Variants in AP2A2 observed in about 807,000 individuals in gnomAD.
AP2A2 encodes the protein AP-2 complex subunit alpha-2.
Under a neutral mutation model 104.2 loss-of-function variants are expected in AP2A2, and 32 were observed. That is an observed-to-expected ratio of 0.31 (90% CI 0.23 to 0.41). The LOEUF (loss-of-function observed/expected upper bound fraction) is 0.41, where lower values mean the gene tolerates loss of function less well. Among genes scored for constraint, AP2A2 ranks in the 10% least tolerant of loss-of-function variants. AP2A2 has a pLI of 1.00. For synonymous variants in AP2A2, 539 were observed against 533.3 expected, an observed-to-expected ratio of 1.01 and a Z score of -0.15; for missense variants, 912 against 1,261.0, an observed-to-expected ratio of 0.72 and a Z score of 4.19.
In AP2A2 at chr11:925,950, A is replaced by T. The variant is rs1241669031; in HGVS notation, c.-72A>T. 8 of 1,197,126 alleles carry T rather than the reference A, an allele frequency of 6.7e-6. No individual in the cohort carries two copies. The South Asian group carries it at 1.2e-4, about 18-fold the overall frequency. 74.2% of individuals were successfully genotyped at this position (1,197,126 alleles called of 1,614,324 possible). ...CCTCCGCGGCGGTGACGGCGACCGC[A>T]CTCCCCGCTTCCCGCTCCCCGCGCT... On this transcript the variant is annotated 5_prime_UTR_variant, in exon 1 of 22. Transcript: ENST00000448903.
At chr11:930,561 C>T (rs1853257770) in intron 1 of AP2A2, among the ~76,000 whole-genome samples, 1 of 151,858 alleles carries the variant, frequency 6.6e-6, no homozygotes, top group South Asian at 2.1e-4. Context: ...CGCTCTGTCG[C>T]CCAGGCTGGA....
chr11:935,702 G>A (rs937988326), intron 1 of AP2A2, among the ~76,000 whole-genome samples: 1 of 145,022 alleles, frequency 6.9e-6, no homozygotes, highest in Admixed American at 7.2e-5. Flanking sequence ...TCGCCTCCCG[G>A]GTTCAAACAA....
intron 2 of AP2A2, among the ~76,000 whole-genome samples, chr11:969,219 CCTTTTTTTTTTTTTTTT>C (rs1167275677): frequency 1.8e-5 from 2 of 112,812 alleles, no homozygotes; most frequent in African/African-American, 3.3e-5. Context: ...GTAGAACAGC[CCTTTTTTTTTTTTTTTT>C]TTTTTTTTTT....
chr11:966,347 A>G (rs1396909586), intron 2 of AP2A2, among the ~76,000 whole-genome samples: 1 of 152,090 alleles, frequency 6.6e-6, no homozygotes, highest in African/African-American at 2.4e-5. Flanking sequence ...AAGTACAAAA[A>G]ATTAGCCGTG....
At position 993,970 on chromosome 11, in the gene AP2A2, C is replaced by T. The variant is rs202168065; in HGVS notation, c.1767C>T (p.Ala589=). ...AVEYLRLSTV[A]STDILATVLE... ...AGTACCTGCGGCTCAGCACCGTGGCCAGCACCGACATTCTGGTAGGAGGCC... is the reference window on the plus strand; with the variant it reads ...AGTACCTGCGGCTCAGCACCGTGGCTAGCACCGACATTCTGGTAGGAGGCC... The change falls in exon 13 of 22, where the codon GCC becomes GCT. Residue 589 remains alanine (A), a synonymous_variant. Transcript: ENST00000448903. This position sits in a 1 kb window ranked among gnomAD's most constrained non-coding sequence, Gnocchi z 8.2. 8 of 1,611,126 alleles carry T rather than the reference C, an allele frequency of 5.0e-6. No individual in the cohort carries two copies. The highest frequency in any genetic ancestry group is 1.3e-5 in the African/African-American group (1 of 74,910).
At chr11:929,614 G>T (rs1853222667) in intron 1 of AP2A2, among the ~76,000 whole-genome samples, 1 of 152,190 alleles carries the variant, frequency 6.6e-6, no homozygotes, top group South Asian at 2.1e-4. Context: ...GCAATATAGT[G>T]AGACCCCTGT....
chr11:995,685 G>T (rs1855828728), intron 14 of AP2A2, among the ~76,000 whole-genome samples: 1 of 76,208 alleles, frequency 1.3e-5, no homozygotes, highest in Non-Finnish European at 2.9e-5. Flanking sequence ...GGCCTGCCAT[G>T]GGGCTGGTAT....
At chr11:950,498 TA>T (rs1564788590) in intron 1 of AP2A2, among the ~76,000 whole-genome samples, 1 of 152,000 alleles carries the variant, frequency 6.6e-6, no homozygotes, top group Non-Finnish European at 1.5e-5. Context: ...TTTGTAGAGA[TA>T]GGGTTTTGCC....
At chr11:1,008,380 C>A in intron 18 of AP2A2, 1 of 513,844 alleles carries the variant, frequency 1.9e-6, no homozygotes, top group Non-Finnish European at 3.3e-6. Context: ...TTGCTAGGAT[C>A]TTTCTGGGCA....
At chr11:941,017 G>T (rs1019436643) in intron 1 of AP2A2, 6 of 418,462 alleles carry the variant, frequency 1.4e-5, no homozygotes, top group Non-Finnish European at 2.9e-5. Flanking sequence ...ACTCCGTGGA[G>T]CTCGGAGCTT....
Position 992,581 on chromosome 11 carries a change from C to T in AP2A2, c.1348C>T (p.Arg450Ter). Residue 450 changes from arginine (R) to a stop codon, truncating the protein, a stop_gained, in exon 11 of 22, where the codon CGA becomes TGA. Coordinates refer to ENST00000448903, the MANE Select transcript of AP2A2 (RefSeq NM_012305.4). LOFTEE classifies it high-confidence loss of function. The surrounding 1 kb of genome is among the most constrained non-coding windows in gnomAD (Gnocchi z 6.4). ...WYVDTILNLI[R>*]IAGDYVSEEV... Reference sequence around the variant, plus strand: ...TGTGGATACCATCTTGAACTTGATCCGAATTGCTGGTGATTACGTGAGTGA... The same window carrying T: ...TGTGGATACCATCTTGAACTTGATCTGAATTGCTGGTGATTACGTGAGTGA... The T allele has an allele frequency of 1.9e-6, 3 of 1,613,828 alleles. No individual in the cohort carries two copies. Among genetic ancestry groups the T allele is most frequent in the Non-Finnish European group, 2.5e-6 (3 of 1,179,852 alleles).
intron 5 of AP2A2, among the ~76,000 whole-genome samples, chr11:979,208 T>C (rs1855157490): frequency 6.7e-6 from 1 of 150,188 alleles, no homozygotes; most frequent in African/African-American, 2.5e-5. Flanking sequence ...GCTCCGCGCC[T>C]GTCAGCCTGT....
chr11:1,000,694 G>A (rs1590016974), intron 15 of AP2A2, 96 bp downstream of exon 15: 2 of 1,319,052 alleles, frequency 1.5e-6, no homozygotes, highest in Non-Finnish European at 1.0e-6. Flanking sequence ...GGTGGGCAGC[G>A]GAGTTTACCT....
chr11:986,638 C>T (rs1165683212), intron 8 of AP2A2, 147 bp from the exon 9 acceptor site: 3 of 1,012,630 alleles, frequency 3.0e-6, no homozygotes, highest in African/African-American at 1.6e-5. Flanking sequence ...GGGGAGGCCC[C>T]CGAGTTCCCA....
intron 5 of AP2A2, 60 bp from the exon 6 acceptor site, chr11:981,138 G>A: frequency 7.0e-7 from 1 of 1,427,104 alleles, no homozygotes; most frequent in Non-Finnish European, 9.6e-7. Context: ...TTTGGAAGAT[G>A]AGTGAACACA....
chr11:953,551 C>CA (rs35341117), intron 1 of AP2A2, among the ~76,000 whole-genome samples: 72,472 of 151,066 alleles, frequency 0.48, 18,375 homozygotes, highest in Middle Eastern at 0.66. Flanking sequence ...AAGAGCCCCC[C>CA]CCCCCCATTG....
intron 1 of AP2A2, among the ~76,000 whole-genome samples, chr11:956,138 G>C (rs1182001649): frequency 2.6e-5 from 4 of 152,166 alleles, no homozygotes; most frequent in Admixed American, 6.5e-5. Context: ...TCAGGAGATC[G>C]AGACCAGCCC....
intron 1 of AP2A2, among the ~76,000 whole-genome samples, chr11:951,432 C>T (rs567530281): frequency 8.4e-4 from 128 of 151,930 alleles, no homozygotes; most frequent in Non-Finnish European, 1.6e-3. Flanking sequence ...GAGGCTGAGG[C>T]AGGAGAATTG....
chr11:1,006,934 A>C, intron 17 of AP2A2: 4 of 258,258 alleles, frequency 1.5e-5, no homozygotes, highest in Non-Finnish European at 2.9e-5. Context: ...TGATCTTTAA[A>C]CCCCTCCTCT....
Sources: allele counts gnomAD v4.1 joint callset (sites outside exome capture counted in the v4.1 genomes callset), GRCh38; gene constraint gnomAD v4.1.1; non-coding constraint Gnocchi (gnomAD v3.1); transcripts MANE v1.5; gene names NCBI Gene and HGNC (gene_info 2026-07-23, HGNC 2026-07-21).